The following EIF4G3 variants were observed in gnomAD, a reference collection of about 807,000 sequenced individuals.
The protein encoded by EIF4G3 is eIF-4-gamma 3.
In EIF4G3, 34 loss-of-function variants were observed where a neutral mutation model predicts 186.4. That is an observed-to-expected ratio of 0.18 (90% CI 0.14 to 0.24). The LOEUF (loss-of-function observed/expected upper bound fraction) is 0.24. Among genes scored for constraint, EIF4G3 ranks in the 10% least tolerant of loss-of-function variants. EIF4G3 has a pLI of 1.00. For synonymous variants in EIF4G3, 673 were observed against 679.5 expected (o/e 0.99, Z 0.15); for missense variants, 1,536 against 1,948.5 (o/e 0.79, Z 3.99).
At chr1:21,081,526 C>G (rs2095787281) in intron 3 of EIF4G3, among the ~76,000 whole-genome samples, 1 of 151,926 alleles carries the variant, frequency 6.6e-6, no homozygotes, top group Non-Finnish European at 1.5e-5. Flanking sequence ...GCTTCTCTCT[C>G]ATATCTGATA....
At chr1:21,086,199 CTTTTT>C (rs397979515) in intron 3 of EIF4G3, among the ~76,000 whole-genome samples, 3,328 of 95,200 alleles carry the variant, frequency 0.035, 71 homozygotes, top group East Asian at 0.16. Flanking sequence ...ACATGATACT[CTTTTT>C]TTTTTTTTTT....
chr1:20,990,927 A>C (rs2080957072), intron 7 of EIF4G3, among the ~76,000 whole-genome samples: 1 of 152,250 alleles, frequency 6.6e-6, no homozygotes, highest in Admixed American at 6.5e-5. Flanking sequence ...AGGTCAGCCT[A>C]CTAGAAGATG....
intron 3 of EIF4G3, among the ~76,000 whole-genome samples, chr1:21,071,826 A>G (rs1375663696): frequency 1.3e-5 from 2 of 151,804 alleles, no homozygotes; most frequent in Admixed American, 6.6e-5. Context: ...AAAGAGAGAG[A>G]GGAAAAAAAA....
intron 2 of EIF4G3, among the ~76,000 whole-genome samples, chr1:21,172,935 T>C (rs2098014520): frequency 6.8e-6 from 1 of 147,422 alleles, no homozygotes; most frequent in African/African-American, 2.5e-5. Context: ...GGTCAGGAGA[T>C]CAAGACCATC....
chr1:21,160,490 T>C (rs12239813), intron 2 of EIF4G3, among the ~76,000 whole-genome samples: 14,692 of 152,094 alleles, frequency 0.097, 937 homozygotes, highest in East Asian at 0.26. Context: ...AAGATACTTA[T>C]CAACTACAAA....
chr1:20,936,172 G>A (rs2095511228), intron 14 of EIF4G3, among the ~76,000 whole-genome samples: 1 of 152,186 alleles, frequency 6.6e-6, no homozygotes, highest in Non-Finnish European at 1.5e-5. Flanking sequence ...ACCAGCATCA[G>A]TATTTTCCAA....
At chr1:21,026,899 T>G (rs2092183338) in intron 4 of EIF4G3, among the ~76,000 whole-genome samples, 1 of 141,844 alleles carries the variant, frequency 7.1e-6, no homozygotes, top group Non-Finnish European at 1.5e-5. Flanking sequence ...ATCGCACCAC[T>G]GCACTCCAGC....
At chr1:21,134,750 G>T (rs1170670251) in intron 2 of EIF4G3, among the ~76,000 whole-genome samples, 2 of 152,206 alleles carry the variant, frequency 1.3e-5, no homozygotes, top group East Asian at 3.8e-4. Context: ...TCTGGTGAAA[G>T]AGAGGAGCAA....
chr1:21,156,810 C>G (rs2097669470), intron 2 of EIF4G3, among the ~76,000 whole-genome samples: 1 of 152,180 alleles, frequency 6.6e-6, no homozygotes, highest in Non-Finnish European at 1.5e-5. Context: ...CACAGTGGCT[C>G]TCATCTGTTA....
At chr1:20,885,879 G>C (rs1349149122) in intron 19 of EIF4G3, among the ~76,000 whole-genome samples, 5 of 152,112 alleles carry the variant, frequency 3.3e-5, no homozygotes, top group Non-Finnish European at 7.4e-5. Flanking sequence ...GGATAAATAG[G>C]ATAAAGAGAC....
At position 20,848,614 on chromosome 1, in the gene EIF4G3, C is replaced by A. The variant is rs563448362; in HGVS notation, c.3888+801G>T. On this transcript the variant is annotated intron_variant, in intron 29 of 36. Transcript: ENST00000602326. Reference sequence around the variant, plus strand: ...TAAGGGTTAAAGGGCAAATTCAAGGCCTTGTCTTGAAATCTCTGGCTTAGG... The same window carrying A: ...TAAGGGTTAAAGGGCAAATTCAAGGACTTGTCTTGAAATCTCTGGCTTAGG... Among the ~76,000 whole-genome samples the A allele has an allele frequency of 5.3e-5, 8 of 152,246 alleles. No individual in the cohort carries two copies. The South Asian group carries it at 1.5e-3, about 28-fold the overall frequency.
intron 7 of EIF4G3, among the ~76,000 whole-genome samples, chr1:20,985,844 A>G (rs1406074981): frequency 6.6e-6 from 1 of 152,216 alleles, no homozygotes; most frequent in East Asian, 1.9e-4. Flanking sequence ...TCAGCAACTT[A>G]AGATACAAAT....
At chr1:20,951,298 T>C (rs2096208191) in intron 12 of EIF4G3, among the ~76,000 whole-genome samples, 1 of 152,182 alleles carries the variant, frequency 6.6e-6, no homozygotes, top group Admixed American at 6.5e-5. Context: ...TATTTGACTA[T>C]ATAAGGCTTA....
At chr1:20,966,113 T>A (rs2074595077) in intron 12 of EIF4G3, among the ~76,000 whole-genome samples, 1 of 152,176 alleles carries the variant, frequency 6.6e-6, no homozygotes, top group Non-Finnish European at 1.5e-5. Context: ...GTCTTCTGTT[T>A]CCCTTTACAG....
chr1:20,992,496 C>T (rs1021749641), intron 7 of EIF4G3, among the ~76,000 whole-genome samples: 5 of 152,102 alleles, frequency 3.3e-5, no homozygotes, highest in African/African-American at 1.2e-4. Context: ...ACAATTTCAA[C>T]GCTTGCCACC....
At chr1:21,091,697 A>G (rs2096208114) in intron 2 of EIF4G3, among the ~76,000 whole-genome samples, 1 of 152,070 alleles carries the variant, frequency 6.6e-6, no homozygotes, top group Admixed American at 6.6e-5. Context: ...CTCCTTGAAG[A>G]GGTCCTTCAT....
intron 2 of EIF4G3, among the ~76,000 whole-genome samples, chr1:21,121,388 T>A (rs1410391896): frequency 6.6e-6 from 1 of 152,228 alleles, no homozygotes; most frequent in East Asian, 1.9e-4. Context: ...AATAAATACA[T>A]GTATATTTCA....
intron 4 of EIF4G3, among the ~76,000 whole-genome samples, chr1:21,044,952 A>G (rs142426655): frequency 6.6e-6 from 1 of 152,198 alleles, no homozygotes; most frequent in East Asian, 1.9e-4. Context: ...CTTGGCAACA[A>G]AGCAAGTCCC....
At chr1:20,908,080 G>A (rs1049018120) in intron 14 of EIF4G3, among the ~76,000 whole-genome samples, 7 of 151,914 alleles carry the variant, frequency 4.6e-5, no homozygotes, top group Non-Finnish European at 8.8e-5. Context: ...TTTAATGATC[G>A]CCATTCTAAC....
Sources: allele counts gnomAD v4.1 joint callset (sites outside exome capture counted in the v4.1 genomes callset), GRCh38; gene constraint gnomAD v4.1.1; transcripts MANE v1.5; gene names NCBI Gene and HGNC (gene_info 2026-07-23, HGNC 2026-07-21).